PRH1: variants seen among roughly 807,000 people sequenced by gnomAD.
PRH1 encodes the protein salivary acidic proline-rich phosphoprotein 1/2.
PRH1 carries 7 observed loss-of-function variants against 7.9 expected under a neutral mutation model. The observed-to-expected ratio is 0.89, with a 90% confidence interval of 0.50 to 1.67. The LOEUF is 1.67. Ranked by LOEUF, PRH1 falls within the 40% of genes most tolerant of loss-of-function variation. The pLI is 0.00. For missense variants in PRH1, 109 were observed against 223.6 expected (o/e 0.49, Z 3.27); for synonymous variants, 45 against 80.8 (o/e 0.56, Z 2.38).
intron 1 of PRH1, among the ~76,000 whole-genome samples, chr12:11,148,989 T>A (rs1344327565): frequency 2.0e-5 from 3 of 150,306 alleles, no homozygotes; most frequent in Non-Finnish European, 4.4e-5. Flanking sequence ...ATTCAGAGAC[T>A]CAACTTCTTC....
chr12:11,128,185 T>C (rs986650096), intron 1 of PRH1, among the ~76,000 whole-genome samples: 3 of 151,024 alleles, frequency 2.0e-5, no homozygotes, highest in Admixed American at 6.6e-5. Flanking sequence ...TAAAAAAACA[T>C]GTTTTCCATA....
At chr12:10,936,849 A>T (rs192359846) in intron 2 of PRH1, among the ~76,000 whole-genome samples, 2 of 152,246 alleles carry the variant, frequency 1.3e-5, no homozygotes, top group Admixed American at 1.3e-4. Context: ...GCTTCAACAC[A>T]TGGATTTTGG....
chr12:11,149,112 T>A (rs1403621150), intron 1 of PRH1, among the ~76,000 whole-genome samples: 1 of 151,934 alleles, frequency 6.6e-6, no homozygotes, highest in Non-Finnish European at 1.5e-5. Context: ...AGTTTGTATT[T>A]CTGTGGGATC....
At chr12:10,887,363 A>T (rs1255966128), upstream of PRH1, among the ~76,000 whole-genome samples, 3 of 152,196 alleles carry the variant, frequency 2.0e-5, no homozygotes, top group South Asian at 2.1e-4. Context: ...ACAGTTAGCA[A>T]ATAAACACAA....
chr12:11,163,718 T>C (rs1327202272), intron 1 of PRH1, among the ~76,000 whole-genome samples: 1 of 152,214 alleles, frequency 6.6e-6, no homozygotes, highest in Non-Finnish European at 1.5e-5. Context: ...TTTATTAAAG[T>C]GTATCAGAGA....
At chr12:11,031,296 C>A in intron 1 of PRH1, 1 of 1,613,758 alleles carries the variant, frequency 6.2e-7, no homozygotes, top group Non-Finnish European at 8.5e-7. Flanking sequence ...AATAGAACCA[C>A]TACCACACTG....
At chr12:10,886,618 G>A (rs143409574), upstream of PRH1, among the ~76,000 whole-genome samples, 9 of 152,294 alleles carry the variant, frequency 5.9e-5, no homozygotes, top group African/African-American at 1.9e-4. Context: ...ACCTAGAGGT[G>A]GGTGGCAGCC....
chr12:11,037,539 TA>T (rs1565579813), intron 1 of PRH1, among the ~76,000 whole-genome samples: 1 of 152,234 alleles, frequency 6.6e-6, no homozygotes, highest in Non-Finnish European at 1.5e-5. Flanking sequence ...TGGATATATT[TA>T]TTTAATTTAA....
intron 2 of PRH1, among the ~76,000 whole-genome samples, chr12:10,905,352 A>T (rs1290588718): frequency 6.6e-6 from 1 of 152,122 alleles, no homozygotes; most frequent in Non-Finnish European, 1.5e-5. Context: ...AGGCATGGGA[A>T]TCAACCTACG....
intron 1 of PRH1, among the ~76,000 whole-genome samples, chr12:11,143,516 T>C (rs1184843517): frequency 6.6e-6 from 1 of 152,230 alleles, no homozygotes; most frequent in Middle Eastern, 3.4e-3. Context: ...TTACTACCAA[T>C]AATAACATTG....
At chr12:10,940,666 C>T (rs771178604) in intron 2 of PRH1, among the ~76,000 whole-genome samples, 1 of 152,196 alleles carries the variant, frequency 6.6e-6, no homozygotes, top group Non-Finnish European at 1.5e-5. Context: ...TAAAGGATGA[C>T]ATACTGTCTA....
At chr12:11,022,383 T>C in intron 1 of PRH1, 1 of 1,597,972 alleles carries the variant, frequency 6.3e-7, no homozygotes, top group African/African-American at 1.4e-5. Flanking sequence ...ACCAAAGGAA[T>C]AACATGACCC....
intron 2 of PRH1, among the ~76,000 whole-genome samples, chr12:10,928,205 A>T (rs569386088): frequency 2.0e-5 from 3 of 152,348 alleles, no homozygotes; most frequent in South Asian, 2.1e-4. Context: ...TCATAGAAAA[A>T]ATCATCTTTG....
intron 2 of PRH1, among the ~76,000 whole-genome samples, chr12:10,897,478 A>C (rs1565457057): frequency 6.6e-6 from 1 of 152,226 alleles, no homozygotes; most frequent in Non-Finnish European, 1.5e-5. Flanking sequence ...GTCTTGAACA[A>C]AACCCTAACC....
intron 2 of PRH1, among the ~76,000 whole-genome samples, chr12:10,952,046 C>A (rs892064732): frequency 6.6e-6 from 1 of 152,118 alleles, no homozygotes; most frequent in Non-Finnish European, 1.5e-5. Flanking sequence ...GATAATAATA[C>A]CCTCTTTGGA....
chr12:11,133,557 T>A (rs751137947), intron 1 of PRH1: 3 of 1,614,094 alleles, frequency 1.9e-6, no homozygotes, highest in African/African-American at 2.7e-5. Flanking sequence ...GAGGTCACAG[T>A]TTGCAAAGCT....
intron 1 of PRH1, chr12:11,077,807 C>A: frequency 9.1e-7 from 1 of 1,104,678 alleles, no homozygotes; most frequent in Non-Finnish European, 1.4e-6. Flanking sequence ...ATGGTTATCA[C>A]AGCAAGATTA....
chr12:10,891,501 T>A (rs1312826471), intron 2 of PRH1: 2 of 152,222 alleles, frequency 1.3e-5, no homozygotes. Flanking sequence ...AACATTTTAG[T>A]CAACATGTTA....
At chr12:10,965,703 A>G (rs1357726408) in intron 2 of PRH1, among the ~76,000 whole-genome samples, 1 of 152,194 alleles carries the variant, frequency 6.6e-6, no homozygotes, top group Admixed American at 6.5e-5. Context: ...GTGTTTTGCA[A>G]TGTTTTCCTC....
Sources: allele counts gnomAD v4.1 joint callset (sites outside exome capture counted in the v4.1 genomes callset), GRCh38; gene constraint gnomAD v4.1.1; transcripts MANE v1.5; gene names NCBI Gene and HGNC (gene_info 2026-07-23, HGNC 2026-07-21).